The following C17orf67 variants were observed in gnomAD, a reference collection of about 807,000 sequenced individuals.
The protein encoded by C17orf67 is chromosome 17 open reading frame 67.
C17orf67 carries 12 observed loss-of-function variants against 11.2 expected under a neutral mutation model. That is an observed-to-expected ratio of 1.07 (90% CI 0.68 to 1.73). The LOEUF is 1.73. Ranked by LOEUF, C17orf67 falls within the 40% of genes most tolerant of loss-of-function variation. The pLI is 0.00. For synonymous variants in C17orf67, 59 were observed against 46.9 expected (o/e 1.26, Z -1.05); for missense variants, 115 against 113.5 (o/e 1.01, Z -0.06).
intron 6 of C17orf67, among the ~76,000 whole-genome samples, chr17:56,796,076 A>G (rs1905208297): frequency 6.6e-6 from 1 of 152,244 alleles, no homozygotes; most frequent in African/African-American, 2.4e-5. Context: ...AGACTTTAAA[A>G]TATAAAAATG....
Position 56,792,112 on chromosome 17 carries a change from C to T in C17orf67, c.*261G>A, listed in dbSNP as rs17822403. The T allele has an allele frequency of 0.13, 20,410 of 152,176 alleles. 1,431 individuals are homozygous for T. The highest frequency in any genetic ancestry group is 0.16 in the South Asian group (787 of 4,832). 9.4% of individuals were successfully genotyped at this position (152,176 alleles called of 1,614,324 possible). A position where few individuals can be genotyped will look rare whatever the true frequency, so the allele number is the denominator to read the frequency against. ...CCAGGTAAGATTCTGGTTGTTCCCA[C>T]TCTTGCAAACTGATGGGAAGACCTT... On this transcript the variant is annotated 3_prime_UTR_variant, in exon 8 of 8. Transcript: ENST00000397861.
rs574615410 is a variant in C17orf67 at position 56,804,917 on chromosome 17, T to G, written c.157-9737A>C. ...GTCTAAGTGAGGCGATAGAAAATAT[T>G]TATTTGGAATAACCTCCAGGTTTTA... On this transcript the variant is annotated intron_variant, in intron 6 of 7. Transcript: ENST00000397861. 3.3e-5 allele frequency among the ~76,000 whole-genome samples: 5 copies of G among 152,306 alleles called. No homozygotes were observed. In the East Asian group the frequency reaches 9.6e-4, roughly 29 times the overall value.
intron 2 of C17orf67, among the ~76,000 whole-genome samples, chr17:56,828,030 C>T (rs1229365452): frequency 6.6e-6 from 1 of 150,986 alleles, no homozygotes; most frequent in East Asian, 1.9e-4. Context: ...TATGGTGAAA[C>T]CCCATCTCTA....
At chr17:56,812,926 A>T (rs1905665789) in intron 6 of C17orf67, among the ~76,000 whole-genome samples, 1 of 152,162 alleles carries the variant, frequency 6.6e-6, no homozygotes, top group Non-Finnish European at 1.5e-5. Flanking sequence ...GGCTGCAGCA[A>T]TTCAAACCCA....
chr17:56,817,206 AT>A (rs1020134625), intron 4 of C17orf67, among the ~76,000 whole-genome samples: 3 of 152,152 alleles, frequency 2.0e-5, no homozygotes, highest in African/African-American at 7.2e-5. Context: ...TGTGACATTT[AT>A]TTGGATAAAA....
At chr17:56,825,986 G>A (rs951998412) in intron 2 of C17orf67, among the ~76,000 whole-genome samples, 25 of 151,694 alleles carry the variant, frequency 1.6e-4, no homozygotes, top group Admixed American at 1.6e-3. Flanking sequence ...ACGGAGTCTC[G>A]CTCTGTCACC....
chr17:56,802,693 G>A (rs932316687), intron 6 of C17orf67, among the ~76,000 whole-genome samples: 4 of 152,138 alleles, frequency 2.6e-5, no homozygotes, highest in African/African-American at 9.7e-5. Flanking sequence ...TGTTAACTTT[G>A]GCTACTATTA....
rs1330587069 is a variant in C17orf67 at position 56,833,074 on chromosome 17, T to C, written c.-733A>G. ...TTTCCATCTTTTATGCTAGAGGAAG[T>C]CCGCAAGCAACAAGTGGTCCTCGGC... On this transcript the variant is annotated 5_prime_UTR_variant, in exon 2 of 8. Transcript: ENST00000397861. The C allele has an allele frequency of 6.6e-6, 1 of 152,260 alleles. No individual in the cohort carries two copies. Among genetic ancestry groups the C allele is most frequent in the Non-Finnish European group, 1.5e-5 (1 of 68,060 alleles). 9.4% of individuals were successfully genotyped at this position (152,260 alleles called of 1,614,324 possible). A position where few individuals can be genotyped will look rare whatever the true frequency, so the allele number is the denominator to read the frequency against.
chr17:56,813,121 C>T (rs1223802658), intron 6 of C17orf67, among the ~76,000 whole-genome samples: 1 of 152,158 alleles, frequency 6.6e-6, no homozygotes, highest in Non-Finnish European at 1.5e-5. Flanking sequence ...TCAACCAGCT[C>T]CCCCAGCCCC....
chr17:56,814,810 T>C (rs955772341), intron 6 of C17orf67, 59 bp downstream of exon 6: 32 of 1,520,732 alleles, frequency 2.1e-5, no homozygotes, highest in Non-Finnish European at 6.4e-6. Flanking sequence ...CCTAGTTTCA[T>C]AGTGAATGGC....
chr17:56,792,536 GGT>G (rs1905123236), intron 7 of C17orf67, among the ~76,000 whole-genome samples, 184 bp from the exon 8 acceptor site: 1 of 151,138 alleles, frequency 6.6e-6, no homozygotes, highest in Non-Finnish European at 1.5e-5. Flanking sequence ...TGGTGGTGGT[GGT>G]GGTGATGATG....
chr17:56,816,206 A>G (rs1425479141), intron 4 of C17orf67, among the ~76,000 whole-genome samples, 196 bp from the exon 5 acceptor site: 1 of 152,166 alleles, frequency 6.6e-6, no homozygotes, highest in African/African-American at 2.4e-5. Context: ...CTTTTAGGAC[A>G]TTTTTCTAAA....
intron 2 of C17orf67, among the ~76,000 whole-genome samples, chr17:56,831,140 C>T (rs1906188356): frequency 7.4e-6 from 1 of 134,684 alleles, no homozygotes; most frequent in Non-Finnish European, 1.6e-5. Context: ...GCAGGAAGAC[C>T]AGGTGGGAGG....
In C17orf67 at chr17:56,814,860, A is replaced by G; in HGVS notation, c.156+9T>C. ...ATTTTCTTTAAAACTGCCAGAGCAA[A>G]GCACTCACCCGCATTGGCTCATCGG... On this transcript the variant is annotated intron_variant, in intron 6 of 7. Transcript: ENST00000397861. 2.5e-6 allele frequency: 4 copies of G among 1,613,214 alleles called. No homozygotes were observed. Among genetic ancestry groups the G allele is most frequent in the Non-Finnish European group, 3.4e-6 (4 of 1,179,198 alleles).
intron 2 of C17orf67, among the ~76,000 whole-genome samples, chr17:56,832,214 G>C (rs1277071989): frequency 6.6e-6 from 1 of 152,114 alleles, no homozygotes; most frequent in East Asian, 1.9e-4. Flanking sequence ...CCAAAGTGTT[G>C]GGGTTACAGG....
chr17:56,830,238 G>C (rs911352246), intron 2 of C17orf67, among the ~76,000 whole-genome samples: 1 of 151,924 alleles, frequency 6.6e-6, no homozygotes, highest in African/African-American at 2.4e-5. Context: ...CCAGCTACTC[G>C]GGAGGCTGAG....
intron 6 of C17orf67, among the ~76,000 whole-genome samples, chr17:56,801,774 A>T (rs1905327409): frequency 6.6e-6 from 1 of 152,190 alleles, no homozygotes; most frequent in Admixed American, 6.5e-5. Context: ...AAGAATAGTA[A>T]TTGGGAGGAA....
At chr17:56,797,939 A>G (rs1905242988) in intron 6 of C17orf67, among the ~76,000 whole-genome samples, 2 of 152,342 alleles carry the variant, frequency 1.3e-5, no homozygotes, top group African/African-American at 4.8e-5. Context: ...TCTCTTAAAT[A>G]AAAGAATAAA....
chr17:56,813,167 C>A (rs1181270195), intron 6 of C17orf67, among the ~76,000 whole-genome samples: 3 of 152,124 alleles, frequency 2.0e-5, no homozygotes, highest in African/African-American at 7.2e-5. Context: ...AGAATGGCCG[C>A]TCCAGGCATC....
Sources: gnomAD v4.1 joint callset for allele counts (sites outside exome capture counted in the v4.1 genomes callset) on GRCh38, gnomAD v4.1.1 for gene constraint, MANE v1.5 for transcripts, NCBI Gene and HGNC (gene_info 2026-07-23, HGNC 2026-07-21) for gene names.